Variants in CPXM2 observed in about 807,000 individuals in gnomAD.
The protein encoded by CPXM2 is carboxypeptidase X, M14 family member 2, also known as inactive carboxypeptidase-like protein X2.
Under a neutral mutation model 86.1 loss-of-function variants are expected in CPXM2, and 66 were observed. That is an observed-to-expected ratio of 0.77 (90% CI 0.63 to 0.94). The LOEUF is 0.94. CPXM2 is among the 40% of genes least tolerant of loss of function. The pLI, the probability that CPXM2 is intolerant of heterozygous loss-of-function variation, is 0.00. For synonymous variants in CPXM2, 388 were observed against 400.2 expected (o/e 0.97, Z 0.36); for missense variants, 948 against 1,026.3 (o/e 0.92, Z 1.04).
intron 1 of CPXM2, among the ~76,000 whole-genome samples, chr10:123,889,469 C>T (rs1397874790): frequency 1.2e-4 from 16 of 130,750 alleles, no homozygotes; most frequent in Non-Finnish European, 2.3e-4. Context: ...TGGTGGGGGG[C>T]GGGGGCTGGG....
At chr10:123,898,942 G>A (rs895940784) in intron 2 of CPXM2, among the ~76,000 whole-genome samples, 1 of 151,962 alleles carries the variant, frequency 6.6e-6, no homozygotes, top group Non-Finnish European at 1.5e-5. Context: ...CGCAGATGGG[G>A]GTTCACCACG....
At chr10:123,845,219 A>G (rs1309882843) in intron 3 of CPXM2, among the ~76,000 whole-genome samples, 4 of 152,122 alleles carry the variant, frequency 2.6e-5, no homozygotes, top group Non-Finnish European at 5.9e-5. Context: ...GTGATGGATG[A>G]AAACAGTAAC....
chr10:123,766,259 T>C (rs770964913), intron 10 of CPXM2, among the ~76,000 whole-genome samples: 10 of 152,216 alleles, frequency 6.6e-5, no homozygotes, highest in Non-Finnish European at 1.5e-4. Context: ...AGGTTTCTAC[T>C]TGGCACGCCC....
intron 7 of CPXM2, among the ~76,000 whole-genome samples, chr10:123,779,162 A>G (rs1248392197): frequency 6.6e-6 from 1 of 152,188 alleles, no homozygotes; most frequent in Non-Finnish European, 1.5e-5. Context: ...ATGTATTCAG[A>G]AGGACATTTC....
intron 8 of CPXM2, 121 bp downstream of exon 8, chr10:123,770,795 C>T (rs774967478): frequency 6.3e-5 from 65 of 1,028,502 alleles, no homozygotes; most frequent in African/African-American, 9.6e-5. Flanking sequence ...CGTGAGACAG[C>T]AGTGGTGTGG....
intron 3 of CPXM2, among the ~76,000 whole-genome samples, chr10:123,849,243 C>A (rs1243176060): frequency 2.6e-5 from 4 of 151,818 alleles, no homozygotes; most frequent in Admixed American, 2.0e-4. Flanking sequence ...ATGAGCTGTA[C>A]CTTTGTTTTA....
At chr10:123,913,881 C>A (rs562867540) in intron 2 of CPXM2, 73 of 405,824 alleles carry the variant, frequency 1.8e-4, no homozygotes, top group African/African-American at 1.3e-3. Flanking sequence ...GGAGGCACCC[C>A]CCTCCCAGGC....
Position 123,757,300 on chromosome 10 carries a change from G to A in CPXM2, c.1830C>T (p.Tyr610=), listed in dbSNP as rs75791971. The stretch of plus-strand genomic sequence containing the variant: ...CATGTGGGTATTTATCACAGCCCAC[G>A]TAGATGGACAGTTCGAAGCAGTTTG... The part of the protein sequence containing the change: ...LHTNCFELSI[Y]VGCDKYPHES... The change falls in exon 12 of 14, where the codon TAC becomes TAT. Residue 610 remains tyrosine (Y), a synonymous_variant. Transcript: ENST00000241305. 1.4e-5 allele frequency: 22 copies of A among 1,613,430 alleles called. No homozygotes were observed. The highest frequency in any genetic ancestry group is 8.9e-5 in the East Asian group (4 of 44,876).
chr10:123,885,314 C>G lies in CPXM2; in HGVS notation c.305-5005G>C, dbSNP rs75206342. 1.3e-5 allele frequency among the ~76,000 whole-genome samples: 2 copies of G among 152,090 alleles called. No individual in the cohort carries two copies. Among genetic ancestry groups the G allele is most frequent in the African/African-American group, 4.8e-5 (2 of 41,410 alleles). On this transcript the variant is annotated intron_variant, in intron 1 of 13. Transcript: ENST00000241305. The surrounding 1 kb of genome is among the most constrained non-coding windows in gnomAD (Gnocchi z 4.0). Reference sequence around the variant, plus strand: ...AGGCTGGAAGGCTGGGCATTGACCCCTCCAATCGTACACCTCCTCCAAAAG... The same window carrying G: ...AGGCTGGAAGGCTGGGCATTGACCCGTCCAATCGTACACCTCCTCCAAAAG...
intron 2 of CPXM2, among the ~76,000 whole-genome samples, chr10:123,866,828 C>A (rs1366416568): frequency 6.6e-6 from 1 of 152,256 alleles, no homozygotes; most frequent in Non-Finnish European, 1.5e-5. Flanking sequence ...GCTGCAGTAT[C>A]AGTCAGGCAC....
intron 6 of CPXM2, among the ~76,000 whole-genome samples, chr10:123,794,762 T>C (rs1564772742): frequency 6.6e-6 from 1 of 151,132 alleles, no homozygotes; most frequent in Admixed American, 6.6e-5. Flanking sequence ...TGTGTGTGTG[T>C]GTGTGTGCGC....
At chr10:123,919,108 C>G (rs1189786613) in intron 2 of CPXM2, among the ~76,000 whole-genome samples, 2 of 145,802 alleles carry the variant, frequency 1.4e-5, no homozygotes, top group African/African-American at 5.2e-5. Context: ...GTAGCATAGA[C>G]AAGGCTTTGA....
chr10:123,891,445 C>A lies in CPXM2; in HGVS notation c.215G>T (p.Arg72Leu). 3 of 1,553,456 alleles carry A rather than the reference C, an allele frequency of 1.9e-6. No homozygotes were observed. The highest frequency in any genetic ancestry group is 2.4e-5 in the South Asian group (2 of 84,270). Reference sequence around the variant, plus strand: ...CTTGGGCGGCCTGGGCTCCTGCGGGCGCCGCTCCCACTCCTCCCCGGGCCC... The same window carrying A: ...CTTGGGCGGCCTGGGCTCCTGCGGGAGCCGCTCCCACTCCTCCCCGGGCCC... ...PAGPGEEWERRPQEPRPPKRA... is the reference protein window; with the variant it reads ...PAGPGEEWERLPQEPRPPKRA... The change falls in exon 1 of 14, where the codon CGC becomes CTC. Residue 72 changes from arginine (R) to leucine (L), a missense_variant. Physicochemically the swap from Arg to Leu is moderately radical, Grantham distance 102 (BLOSUM62 -2). Coordinates refer to ENST00000241305, the MANE Select transcript of CPXM2 (RefSeq NM_198148.3). The surrounding 1 kb of genome is among the most constrained non-coding windows in gnomAD (Gnocchi z 5.6).
At chr10:123,938,681 G>A (rs138620402) in intron 2 of CPXM2, among the ~76,000 whole-genome samples, 1,538 of 152,316 alleles carry the variant, frequency 0.01, 27 homozygotes, top group African/African-American at 0.034. Flanking sequence ...GTGAATGCCC[G>A]CTGGCTGCCC....
At chr10:123,850,941 T>C (rs1848586562) in intron 3 of CPXM2, among the ~76,000 whole-genome samples, 1 of 152,234 alleles carries the variant, frequency 6.6e-6, no homozygotes, top group African/African-American at 2.4e-5. Flanking sequence ...GGTTTCCAAG[T>C]GGCTGTGCTA....
intron 2 of CPXM2, among the ~76,000 whole-genome samples, chr10:123,873,094 T>C (rs1246326675): frequency 6.6e-6 from 1 of 152,096 alleles, no homozygotes; most frequent in Non-Finnish European, 1.5e-5. Flanking sequence ...AATAAAGGTA[T>C]AAGAATTGAA....
chr10:123,902,607 C>T (rs1945394249), intron 2 of CPXM2, among the ~76,000 whole-genome samples: 1 of 152,156 alleles, frequency 6.6e-6, no homozygotes, highest in African/African-American at 2.4e-5. Context: ...CAGATGGCAG[C>T]TCCTCGCTGC....
At chr10:123,803,118 CTTTTTTTTTTTTTTTTTTTT>C (rs532954173) in intron 4 of CPXM2, among the ~76,000 whole-genome samples, 1 of 63,634 alleles carries the variant, frequency 1.6e-5, no homozygotes, top group Non-Finnish European at 3.1e-5. Flanking sequence ...TTGTAGTACC[CTTTTTTTTTTTTTTTTTTTT>C]TTTTTTTTTT....
rs542508326 is a variant in CPXM2, at chr10:123,794,385, G to A, written c.889+3591C>T. ...AGCACTGCCACCCCAGTATCTTGAA[G>A]GTCATTTGCTAGGATGCTGGGTGCC... On this transcript the variant is annotated intron_variant, in intron 6 of 13. Transcript: ENST00000241305. Among the ~76,000 whole-genome samples, 6 of 152,284 alleles carry A rather than the reference G, an allele frequency of 3.9e-5. No homozygotes were observed. The South Asian group carries it at 1.0e-3, about 26-fold the overall frequency.
Sources: gnomAD v4.1 joint callset for allele counts (sites outside exome capture counted in the v4.1 genomes callset) on GRCh38, gnomAD v4.1.1 for gene constraint, Gnocchi (gnomAD v3.1) non-coding constraint, MANE v1.5 for transcripts, NCBI Gene and HGNC (gene_info 2026-07-23, HGNC 2026-07-21) for gene names.